The following KANK1 variants were observed in gnomAD, a reference collection of about 807,000 sequenced individuals.
KANK1 encodes KN motif and ankyrin repeat domains 1, also known as KN motif and ankyrin repeat domain-containing protein 1.
KANK1 carries 109 observed loss-of-function variants against 106.2 expected under a neutral mutation model. The ratio of observed to expected loss-of-function variants is 1.03; its 90% CI spans 0.88 to 1.20. KANK1 has a LOEUF of 1.20. Ranked by LOEUF, KANK1 falls within the 50% of genes most tolerant of loss-of-function variation. KANK1 has a pLI of 0.00. For synonymous variants in KANK1, 873 were observed against 652.2 expected (o/e 1.34, Z -5.16); for missense variants, 2,399 against 1,710.7 (o/e 1.40, Z -7.10).
chr9:657,053 A>G (rs1466278371), intron 1 of KANK1, among the ~76,000 whole-genome samples: 1 of 152,162 alleles, frequency 6.6e-6, no homozygotes, highest in Non-Finnish European at 1.5e-5. Flanking sequence ...CCCCTGTGCC[A>G]GCCGCTGGCA....
chr9:661,516 G>A (rs1300368819), intron 1 of KANK1, among the ~76,000 whole-genome samples: 1 of 152,110 alleles, frequency 6.6e-6, no homozygotes, highest in African/African-American at 2.4e-5. Flanking sequence ...TATTAATCCA[G>A]TCTATCATTG....
chr9:648,016 T>G (rs1159459829), intron 1 of KANK1, among the ~76,000 whole-genome samples: 1 of 146,976 alleles, frequency 6.8e-6, no homozygotes, highest in Non-Finnish European at 1.5e-5. Context: ...TTTTTTTTTT[T>G]TTTGATACAG....
intron 1 of KANK1, among the ~76,000 whole-genome samples, chr9:591,011 C>G (rs1824739982): frequency 6.6e-6 from 1 of 151,642 alleles, no homozygotes; most frequent in African/African-American, 2.4e-5. Context: ...TTAAAACAAA[C>G]AAACAAAAAA....
At chr9:610,703 C>G (rs578025660) in intron 1 of KANK1, among the ~76,000 whole-genome samples, 1 of 152,292 alleles carries the variant, frequency 6.6e-6, no homozygotes, top group Admixed American at 6.5e-5. Context: ...TTGTACATTC[C>G]AGGAACTGGA....
intron 1 of KANK1, among the ~76,000 whole-genome samples, chr9:632,752 A>C (rs1021026861): frequency 5.5e-5 from 8 of 146,520 alleles, no homozygotes; most frequent in African/African-American, 1.8e-4. Flanking sequence ...TGCAGTGGTG[A>C]GATCTCGGCT....
At chr9:615,603 T>C (rs190693583) in intron 1 of KANK1, among the ~76,000 whole-genome samples, 92 of 152,324 alleles carry the variant, frequency 6.0e-4, no homozygotes, top group African/African-American at 2.2e-3. Context: ...GTCAGTCCCA[T>C]AGTATATCCT....
chr9:541,462 G>T (rs2060594571), intron 1 of KANK1, among the ~76,000 whole-genome samples: 1 of 152,102 alleles, frequency 6.6e-6, no homozygotes, highest in African/African-American at 2.4e-5. Flanking sequence ...CAGGGGTAGA[G>T]GATTTGACTG....
At chr9:645,439 TAAAAAAAA>T (rs376740141) in intron 1 of KANK1, among the ~76,000 whole-genome samples, 1 of 70,252 alleles carries the variant, frequency 1.4e-5, no homozygotes, top group Non-Finnish European at 2.6e-5. Context: ...GACTGTGTCT[TAAAAAAAA>T]AAAAAAAAAA....
chr9:495,348 C>T (rs1015830386), intron 3 of KANK1: 1 of 152,140 alleles, frequency 6.6e-6, no homozygotes, highest in East Asian at 1.9e-4. Context: ...GTTAGAGATA[C>T]CAGGTCTCAA....
At chr9:571,329 G>A (rs1021974227) in intron 1 of KANK1, among the ~76,000 whole-genome samples, 1 of 152,224 alleles carries the variant, frequency 6.6e-6, no homozygotes, top group African/African-American at 2.4e-5. Flanking sequence ...GTATGATAAT[G>A]CAGAAGTTAC....
At chr9:741,345 G>C (rs1025339206) in intron 9 of KANK1, among the ~76,000 whole-genome samples, 1 of 151,232 alleles carries the variant, frequency 6.6e-6, no homozygotes, top group Non-Finnish European at 1.5e-5. Flanking sequence ...TTTAAGAGAC[G>C]GTCTTGCTCT....
intron 3 of KANK1, among the ~76,000 whole-genome samples, chr9:475,060 C>T (rs2058080523): frequency 1.3e-5 from 2 of 152,114 alleles, no homozygotes; most frequent in African/African-American, 4.8e-5. Flanking sequence ...CAGCCAGCAC[C>T]AGGGAAAGGC....
chr9:665,780 C>T (rs537696876), intron 1 of KANK1, among the ~76,000 whole-genome samples: 1 of 152,262 alleles, frequency 6.6e-6, no homozygotes, highest in Non-Finnish European at 1.5e-5. Context: ...TTCTTTCAAT[C>T]CATGAGCATG....
intron 1 of KANK1, among the ~76,000 whole-genome samples, chr9:608,034 A>ATTTTTT (rs35949327): frequency 0.013 from 1,441 of 115,180 alleles, 56 homozygotes; most frequent in African/African-American, 0.047. Flanking sequence ...TATTATTATT[A>ATTTTTT]TTTTTTTTTT....
At chr9:540,497 T>C (rs1046931275) in intron 1 of KANK1, 3 of 152,228 alleles carry the variant, frequency 2.0e-5, no homozygotes, top group African/African-American at 7.2e-5. Flanking sequence ...CATAATTTTA[T>C]TTTCTTGTAG....
At chr9:727,500 G>A (rs556705765) in intron 3 of KANK1, among the ~76,000 whole-genome samples, 1 of 151,954 alleles carries the variant, frequency 6.6e-6, no homozygotes, top group South Asian at 2.1e-4. Context: ...TATTTTTGTA[G>A]AGATGGAGTT....
chr9:714,587 A>G (rs758460539), intron 3 of KANK1, among the ~76,000 whole-genome samples: 5 of 151,460 alleles, frequency 3.3e-5, no homozygotes, highest in Non-Finnish European at 5.9e-5. Context: ...TGAACTCCTG[A>G]CCTCAGGTGA....
At chr9:604,602 C>T (rs991791643) in intron 1 of KANK1, among the ~76,000 whole-genome samples, 11 of 151,708 alleles carry the variant, frequency 7.3e-5, no homozygotes, top group Admixed American at 4.6e-4. Flanking sequence ...GAGACCAACG[C>T]GGGCAGATCA....
intron 6 of KANK1, chr9:733,899 T>G (rs1318319918): frequency 6.6e-6 from 1 of 152,148 alleles, no homozygotes; most frequent in Non-Finnish European, 1.5e-5. Flanking sequence ...GGCAGATAGC[T>G]TGAGCCCAAG....
Sources: gnomAD v4.1 joint callset for allele counts (sites outside exome capture counted in the v4.1 genomes callset) on GRCh38, gnomAD v4.1.1 for gene constraint, MANE v1.5 for transcripts, NCBI Gene and HGNC (gene_info 2026-07-23, HGNC 2026-07-21) for gene names.